Variants in MTA3 observed in about 807,000 individuals in gnomAD.
MTA3 encodes metastasis-associated protein MTA3.
A neutral mutation model predicts 83.5 loss-of-function variants in MTA3; 34 were observed. The observed-to-expected ratio is 0.41, with a 90% confidence interval of 0.31 to 0.54. MTA3 has a LOEUF of 0.54. Among genes scored for constraint, MTA3 ranks in the 20% least tolerant of loss-of-function variants. MTA3 has a pLI of 0.33. For synonymous variants in MTA3, 303 were observed against 252.7 expected, an observed-to-expected ratio of 1.20 and a Z score of -1.89; for missense variants, 761 against 726.4, an observed-to-expected ratio of 1.05 and a Z score of -0.55.
chr2:42,728,601 A>C (rs907907556), intron 16 of MTA3, among the ~76,000 whole-genome samples: 1 of 152,116 alleles, frequency 6.6e-6, no homozygotes, highest in Non-Finnish European at 1.5e-5. Context: ...CCTTTTCTCC[A>C]TATCTTTGCC....
At chr2:42,637,991 C>T (rs980234945) in intron 4 of MTA3, among the ~76,000 whole-genome samples, 1 of 151,988 alleles carries the variant, frequency 6.6e-6, no homozygotes, top group African/African-American at 2.4e-5. Flanking sequence ...TGTTTATAAC[C>T]AGTTACAGAT....
chr2:42,684,281 G>A (rs1477752049), intron 9 of MTA3, among the ~76,000 whole-genome samples: 5 of 152,066 alleles, frequency 3.3e-5, no homozygotes, highest in Non-Finnish European at 7.4e-5. Context: ...AGACCATTAC[G>A]TATTTGATGT....
rs769868453 is a variant in MTA3 at position 42,708,876 on chromosome 2, C to A, written c.1305C>A (p.Asp435Glu). ...EKLSPSPTTE[D>E]PRVRSHVSRQ... ...TTTGTTGTTTTCTGATTTTGCAGGACCCTCGTGTTAGAAGTCACGTGTCCC... is the reference window on the plus strand; with the variant it reads ...TTTGTTGTTTTCTGATTTTGCAGGAACCTCGTGTTAGAAGTCACGTGTCCC... Residue 435 changes from aspartate (D) to glutamate (E), a missense_variant and splice_region_variant, in exon 14 of 17, where the codon GAC becomes GAA. By Grantham distance (45) the Asp-to-Glu change is conservative. Coordinates refer to ENST00000405094, the MANE Select transcript of MTA3 (RefSeq NM_001330442.2). The A allele has an allele frequency of 6.2e-7, 1 of 1,613,848 alleles. No individual in the cohort carries two copies. Among genetic ancestry groups the A allele is most frequent in the East Asian group, 2.2e-5 (1 of 44,880 alleles).
At chr2:42,557,550 G>A (rs1677455795) in intron 2 of MTA3, among the ~76,000 whole-genome samples, 1 of 152,146 alleles carries the variant, frequency 6.6e-6, no homozygotes, top group Non-Finnish European at 1.5e-5. Context: ...GTGAAACATT[G>A]CATTAGTTGC....
At chr2:42,679,838 T>TG (rs377691022) in intron 8 of MTA3, among the ~76,000 whole-genome samples, 2,918 of 140,928 alleles carry the variant, frequency 0.021, 87 homozygotes, top group African/African-American at 0.076. Context: ...TGGCTGTGTG[T>TG]TGTTTTTTTT....
chr2:42,633,227 C>T (rs1002000347), intron 4 of MTA3, among the ~76,000 whole-genome samples: 2 of 151,264 alleles, frequency 1.3e-5, no homozygotes, highest in African/African-American at 4.9e-5. Flanking sequence ...TGCAGTGAGC[C>T]GAGATCGCAC....
chr2:42,650,099 G>A (rs944800045), intron 6 of MTA3, among the ~76,000 whole-genome samples: 8 of 152,088 alleles, frequency 5.3e-5, no homozygotes, highest in African/African-American at 1.7e-4. Context: ...GTGGATAGTC[G>A]TTAACTTAGA....
At chr2:42,573,388 C>G (rs556504744) in intron 2 of MTA3, among the ~76,000 whole-genome samples, 6 of 152,288 alleles carry the variant, frequency 3.9e-5, no homozygotes, top group Admixed American at 2.6e-4. Context: ...CTCTGTCACC[C>G]AGGCTGGAGT....
intron 3 of MTA3, among the ~76,000 whole-genome samples, chr2:42,584,285 C>G (rs1680012056): frequency 6.6e-6 from 1 of 152,140 alleles, no homozygotes; most frequent in Non-Finnish European, 1.5e-5. Flanking sequence ...ATCTAGACCT[C>G]TACTCGCTAG....
In MTA3 at chr2:42,656,183, T is replaced by C; in HGVS notation, c.500-17T>C. ...CCTTGTCAGTAACAAGACTCCATTT[T>C]ATTTATTTTTGGACAGGAGAATCAG... is the stretch of plus-strand genomic sequence containing the variant. On this transcript the variant is annotated splice_polypyrimidine_tract_variant and intron_variant, in intron 6 of 16. Coordinates refer to ENST00000405094, the MANE Select transcript of MTA3 (RefSeq NM_001330442.2). 1.3e-6 allele frequency: 2 copies of C among 1,589,902 alleles called. No individual in the cohort carries two copies. Among genetic ancestry groups the C allele is most frequent in the Non-Finnish European group, 1.7e-6 (2 of 1,158,504 alleles).
At chr2:42,732,981 CA>C (rs1302079981) in intron 16 of MTA3, among the ~76,000 whole-genome samples, 2 of 152,224 alleles carry the variant, frequency 1.3e-5, no homozygotes, top group Non-Finnish European at 2.9e-5. Context: ...AGCCATTCAG[CA>C]AGTCTGTAGG....
chr2:42,711,781 A>T (rs148420336), intron 14 of MTA3, among the ~76,000 whole-genome samples: 96,751 of 148,094 alleles, frequency 0.65, 32,732 homozygotes, highest in African/African-American at 0.84. Context: ...GGAGAGAGAG[A>T]GAGTGTGTGT....
At position 42,754,190 on chromosome 2, in the gene MTA3, C is replaced by T. The variant is rs569729910; in HGVS notation, c.*791C>T. 1.5e-5 allele frequency: 15 copies of T among 985,478 alleles called. No individual in the cohort carries two copies. The highest frequency in any genetic ancestry group is 1.1e-4 in the East Asian group (1 of 8,818). The allele number at this position is 985,478 out of a possible 1,614,324, so 61.0% of individuals were successfully genotyped here. On this transcript the variant is annotated 3_prime_UTR_variant, in exon 17 of 17. Coordinates refer to ENST00000405094, the MANE Select transcript of MTA3 (RefSeq NM_001330442.2). Reference sequence around the variant, plus strand: ...AAGCGTGTGTATCACTGTGACAAGCCGTTTGCTTACTGCCCTGTTCCCTTG... The same window carrying T: ...AAGCGTGTGTATCACTGTGACAAGCTGTTTGCTTACTGCCCTGTTCCCTTG...
At chr2:42,628,504 G>A (rs1686348297) in intron 4 of MTA3, among the ~76,000 whole-genome samples, 1 of 152,184 alleles carries the variant, frequency 6.6e-6, no homozygotes, top group Admixed American at 6.5e-5. Context: ...AAAGTGGTGG[G>A]ATTACAGGCG....
chr2:42,549,324 T>A (rs1327066255), intron 2 of MTA3, among the ~76,000 whole-genome samples: 8 of 123,970 alleles, frequency 6.5e-5, no homozygotes, highest in African/African-American at 2.4e-4. Flanking sequence ...TATAATATAT[T>A]ATATACGTAT....
chr2:42,521,535 A>G (rs574337571), intron 2 of MTA3, among the ~76,000 whole-genome samples: 1 of 152,252 alleles, frequency 6.6e-6, no homozygotes, highest in African/African-American at 2.4e-5. Flanking sequence ...TACCACCTTC[A>G]TGGGCAACTC....
chr2:42,651,836 G>T (rs193218524), intron 6 of MTA3, among the ~76,000 whole-genome samples: 1 of 151,398 alleles, frequency 6.6e-6, no homozygotes, highest in Non-Finnish European at 1.5e-5. Context: ...TGGCTCACTC[G>T]TAATCCCAGC....
At position 42,505,542 on chromosome 2, in the gene MTA3, A is replaced by G. The variant is rs908152552; in HGVS notation, c.-141+10288A>G. 7.9e-5 allele frequency among the ~76,000 whole-genome samples: 12 copies of G among 151,998 alleles called. 1 individual carries two copies. The highest frequency in any genetic ancestry group is 4.6e-4 in the Admixed American group (7 of 15,206). On this transcript the variant is annotated intron_variant, in intron 2 of 17. Transcript: ENST00000405592. ...GCACCACCTCTCCTCTCTACCAAGCACTAAGCACCCCCCTGGAGGGAGGAA... is the reference window on the plus strand; with the variant it reads ...GCACCACCTCTCCTCTCTACCAAGCGCTAAGCACCCCCCTGGAGGGAGGAA...
intron 16 of MTA3, among the ~76,000 whole-genome samples, chr2:42,728,689 T>C (rs1034710010): frequency 3.3e-5 from 5 of 152,228 alleles, no homozygotes; most frequent in Admixed American, 6.5e-5. Context: ...AGTTTTGATT[T>C]GCATTTCTCT....
Sources: allele counts gnomAD v4.1 joint callset (sites outside exome capture counted in the v4.1 genomes callset), GRCh38; gene constraint gnomAD v4.1.1; transcripts MANE v1.5; gene names NCBI Gene and HGNC (gene_info 2026-07-23, HGNC 2026-07-21).